Variants in TSHR observed in about 807,000 individuals in gnomAD.
TSHR encodes the protein thyrotropin receptor.
A neutral mutation model predicts 64.1 loss-of-function variants in TSHR; 51 were observed. That is an observed-to-expected ratio of 0.80 (90% confidence interval 0.64 to 1.01). The LOEUF is 1.01. Ranked by LOEUF, TSHR falls within the 50% of genes least tolerant of loss-of-function variation. TSHR has a pLI of 0.00. For synonymous variants in TSHR, 361 were observed against 361.9 expected, an observed-to-expected ratio of 1.00 and a Z score of 0.03; for missense variants, 877 against 942.8, an observed-to-expected ratio of 0.93 and a Z score of 0.91.
At chr14:81,112,895 T>C (rs139148248) in intron 8 of TSHR, among the ~76,000 whole-genome samples, 89 of 152,046 alleles carry the variant, frequency 5.9e-4, no homozygotes, top group African/African-American at 2.0e-3. Context: ...CAGAGTAAAG[T>C]AAACGGGGGA....
At chr14:81,138,618 G>C (rs1891554047) in intron 8 of TSHR, among the ~76,000 whole-genome samples, 1 of 152,110 alleles carries the variant, frequency 6.6e-6, no homozygotes, top group Non-Finnish European at 1.5e-5. Context: ...CCTGTGGTGA[G>C]AATGGGGTTA....
At chr14:81,082,579 G>T (rs1887984648) in intron 3 of TSHR, among the ~76,000 whole-genome samples, 1 of 152,082 alleles carries the variant, frequency 6.6e-6, no homozygotes, top group Non-Finnish European at 1.5e-5. Flanking sequence ...TCTCTCTCTG[G>T]TCCTCCTGAT....
intron 2 of TSHR, among the ~76,000 whole-genome samples, chr14:81,063,670 C>A (rs912906387): frequency 6.6e-6 from 1 of 152,120 alleles, no homozygotes; most frequent in African/African-American, 2.4e-5. Flanking sequence ...TTTATTGAGC[C>A]CTACTTTGTG....
At chr14:81,034,256 G>A (rs77668150) in intron 1 of TSHR, among the ~76,000 whole-genome samples, 3,361 of 152,316 alleles carry the variant, frequency 0.022, 115 homozygotes, top group South Asian at 0.15. Flanking sequence ...ACCTTGAAGT[G>A]AGAGAACCAC....
chr14:81,124,257 T>C (rs1271805730), intron 8 of TSHR, among the ~76,000 whole-genome samples: 1 of 152,088 alleles, frequency 6.6e-6, no homozygotes, highest in African/African-American at 2.4e-5. Context: ...CTTCACAAGA[T>C]AATACTATTA....
chr14:81,009,321 T>C (rs1202052823), intron 1 of TSHR, among the ~76,000 whole-genome samples: 1 of 152,218 alleles, frequency 6.6e-6, no homozygotes, highest in Non-Finnish European at 1.5e-5. Flanking sequence ...TTGATTCATA[T>C]ACTGGCTACA....
At chr14:81,109,874 G>GA (rs569570943) in intron 8 of TSHR, among the ~76,000 whole-genome samples, 145 of 152,226 alleles carry the variant, frequency 9.5e-4, no homozygotes, top group East Asian at 3.5e-3. Flanking sequence ...GACAAGTGGG[G>GA]AAAAAATGTA....
At chr14:81,019,939 T>C (rs533171935) in intron 1 of TSHR, among the ~76,000 whole-genome samples, 18 of 152,224 alleles carry the variant, frequency 1.2e-4, no homozygotes, top group Non-Finnish European at 2.2e-4. Flanking sequence ...TGTGTCTTTA[T>C]AGTAGAATGA....
chr14:80,981,967 C>A, intron 1 of TSHR: 1 of 309,702 alleles, frequency 3.2e-6, no homozygotes, highest in Non-Finnish European at 6.6e-6. Flanking sequence ...ATGGACAGGG[C>A]CAAGTAACTG....
At chr14:81,086,777 T>C (rs1177573131) in intron 3 of TSHR, among the ~76,000 whole-genome samples, 1 of 152,208 alleles carries the variant, frequency 6.6e-6, no homozygotes, top group Non-Finnish European at 1.5e-5. Flanking sequence ...TGTTACAACA[T>C]GGATGAACCT....
chr14:81,099,418 A>G (rs17111471), intron 7 of TSHR: 39,248 of 152,046 alleles, frequency 0.26, 7,511 homozygotes, highest in African/African-American at 0.54. Flanking sequence ...CCAAGGTGTG[A>G]ACATCCAACT....
intron 1 of TSHR, among the ~76,000 whole-genome samples, chr14:81,037,811 T>C (rs148656646): frequency 2.6e-5 from 4 of 151,952 alleles, no homozygotes; most frequent in Non-Finnish European, 5.9e-5. Flanking sequence ...CACCCAACAC[T>C]AGAGCATATA....
chr14:80,986,517 G>A (rs541993127), intron 1 of TSHR, among the ~76,000 whole-genome samples: 6 of 151,674 alleles, frequency 4.0e-5, no homozygotes, highest in East Asian at 3.9e-4. Context: ...ACAGAGTTTC[G>A]CTCTTGTTGC....
chr14:81,117,340 A>G (rs1160310126), intron 8 of TSHR, among the ~76,000 whole-genome samples: 3 of 121,168 alleles, frequency 2.5e-5, no homozygotes, highest in African/African-American at 1.2e-4. Context: ...ATAAAAAATG[A>G]TAAAGGGGAT....
chr14:80,973,429 A>AAAAAAAAAAAAAAAAC (rs1566743346), intron 1 of TSHR, among the ~76,000 whole-genome samples: 2 of 146,236 alleles, frequency 1.4e-5, no homozygotes, highest in African/African-American at 2.5e-5. Context: ...AAAAAAAAAA[A>AAAAAAAAAAAAAAAAC]TCTGTGTACT....
intron 3 of TSHR, among the ~76,000 whole-genome samples, chr14:81,086,822 C>A (rs1888319962): frequency 1.3e-5 from 2 of 152,314 alleles, no homozygotes; most frequent in East Asian, 1.9e-4. Context: ...AAGGCAGACA[C>A]AAAAGACTGC....
chr14:81,016,614 A>T (rs1170850435), intron 1 of TSHR, among the ~76,000 whole-genome samples: 3 of 152,072 alleles, frequency 2.0e-5, no homozygotes, highest in Non-Finnish European at 4.4e-5. Context: ...GAAGCTTTTT[A>T]ATTTGATGTA....
rs121908870 is a variant in TSHR at position 81,143,633 on chromosome 14, C to T, written c.1575C>T (p.Phe525=). 9 of 1,614,062 alleles carry T rather than the reference C, an allele frequency of 5.6e-6. No homozygotes were observed. Among genetic ancestry groups the T allele is most frequent in the South Asian group, 1.1e-5 (1 of 91,072 alleles). Residue 525 remains phenylalanine, a synonymous_variant, in exon 10 of 10, where the codon TTC becomes TTT. Transcript: ENST00000298171. ...TGGAGCGCTGGTATGCCATCACCTT[C>T]GCCATGCGCCTGGACCGGAAGATCC... ...ITLERWYAIT[F]AMRLDRKIRL... is the part of the protein sequence containing the mutation.
At chr14:81,027,281 GA>G (rs905825899) in intron 1 of TSHR, among the ~76,000 whole-genome samples, 1 of 151,712 alleles carries the variant, frequency 6.6e-6, no homozygotes, top group Non-Finnish European at 1.5e-5. Context: ...GACAAAATCA[GA>G]AAAAAATGGA....
Sources: allele counts gnomAD v4.1 joint callset (sites outside exome capture counted in the v4.1 genomes callset), GRCh38; gene constraint gnomAD v4.1.1; transcripts MANE v1.5; gene names NCBI Gene and HGNC (gene_info 2026-07-23, HGNC 2026-07-21).